Variants in ACTN4 observed in about 807,000 individuals in gnomAD.
The protein encoded by ACTN4 is alpha-actinin-4.
ACTN4 carries 18 observed loss-of-function variants against 114.2 expected under a neutral mutation model. The observed-to-expected ratio is 0.16, with a 90% CI of 0.11 to 0.23. The LOEUF (loss-of-function observed/expected upper bound fraction) is 0.23. Among genes scored for constraint, ACTN4 ranks in the 10% least tolerant of loss-of-function variants. The pLI, the probability that ACTN4 is intolerant of heterozygous loss-of-function variation, is 1.00. For missense variants in ACTN4, 722 were observed against 1,262.9 expected (o/e 0.57, Z 6.49); for synonymous variants, 515 against 506.3 (o/e 1.02, Z -0.23).
At chr19:38,664,809 A>G (rs891647176) in intron 1 of ACTN4, among the ~76,000 whole-genome samples, 2 of 152,188 alleles carry the variant, frequency 1.3e-5, no homozygotes, top group African/African-American at 4.8e-5. Context: ...TGAAAGGCAT[A>G]GATGATAAGG....
At chr19:38,661,955 C>T (rs1976901548) in intron 1 of ACTN4, among the ~76,000 whole-genome samples, 1 of 152,194 alleles carries the variant, frequency 6.6e-6, no homozygotes, top group African/African-American at 2.4e-5. Flanking sequence ...CCCGGCCTGG[C>T]AGCCTGATTT....
At chr19:38,718,819 A>G (rs1599848157) in intron 11 of ACTN4, among the ~76,000 whole-genome samples, 1 of 151,832 alleles carries the variant, frequency 6.6e-6, no homozygotes, top group African/African-American at 2.4e-5. Flanking sequence ...CCTCTCCCAC[A>G]CCTCTGTGAG....
intron 1 of ACTN4, 99 bp downstream of exon 1, chr19:38,648,006 G>T (rs1976437906): frequency 7.6e-7 from 1 of 1,308,468 alleles, no homozygotes; most frequent in South Asian, 1.8e-5. Context: ...TCTGTGATGG[G>T]AACGGGGGGG....
At chr19:38,716,634 C>A (rs1378085636) in intron 9 of ACTN4, among the ~76,000 whole-genome samples, 1 of 152,182 alleles carries the variant, frequency 6.6e-6, no homozygotes, top group Non-Finnish European at 1.5e-5. Context: ...GAGCTCAAGA[C>A]CAGCCTGGGC....
rs542978555 is a variant in ACTN4 at position 38,675,614 on chromosome 19, C to T, written c.163-24986C>T. On this transcript the variant is annotated intron_variant, in intron 1 of 20. Coordinates refer to ENST00000252699, the MANE Select transcript of ACTN4 (RefSeq NM_004924.6). ...GAACATCTTGAGCCGCGTTCTTGAT[C>T]GCTGGCTGTGGAAGCCTCCACCTAT... is the stretch of plus-strand genomic sequence containing the variant. Among the ~76,000 whole-genome samples the T allele has an allele frequency of 9.8e-5, 15 of 152,344 alleles. No individual in the cohort carries two copies. The East Asian group carries it at 2.3e-3, about 23-fold the overall frequency.
In ACTN4 at chr19:38,717,054, A is replaced by G; in HGVS notation, c.913-32A>G. The G allele has an allele frequency of 6.3e-7, 1 of 1,596,642 alleles. No individual in the cohort carries two copies. Among genetic ancestry groups the G allele is most frequent in the African/African-American group, 1.3e-5 (1 of 74,644 alleles). On this transcript the variant is annotated intron_variant, in intron 9 of 20. Coordinates refer to ENST00000252699, the MANE Select transcript of ACTN4 (RefSeq NM_004924.6). This position sits in a 1 kb window ranked among gnomAD's most constrained non-coding sequence, Gnocchi z 4.0. ...CCCGTCAGCACTCTGAGGGTCCCCC[A>G]CAAAGGCCACGCTGGCTTCTGTGGC...
At chr19:38,665,042 G>A (rs775432615) in intron 1 of ACTN4, among the ~76,000 whole-genome samples, 2 of 152,152 alleles carry the variant, frequency 1.3e-5, no homozygotes, top group Admixed American at 6.5e-5. Context: ...CAGCTCAGAT[G>A]TCACTGGGAT....
chr19:38,688,939 G>T (rs188961649), intron 1 of ACTN4, among the ~76,000 whole-genome samples: 1 of 152,096 alleles, frequency 6.6e-6, no homozygotes, highest in Non-Finnish European at 1.5e-5. Flanking sequence ...TAGTAGAGAC[G>T]GGGTTTCACC....
chr19:38,701,246 A>C (rs564426485), intron 3 of ACTN4, 125 bp downstream of exon 3: 3 of 1,482,024 alleles, frequency 2.0e-6, no homozygotes, highest in Non-Finnish European at 2.7e-6. Flanking sequence ...TCAGAGCCCC[A>C]GTACATACTC....
chr19:38,674,031 C>T (rs866302352), intron 1 of ACTN4, among the ~76,000 whole-genome samples: 2 of 151,824 alleles, frequency 1.3e-5, no homozygotes, highest in African/African-American at 4.8e-5. Flanking sequence ...CTACCCGCCT[C>T]GGCCTCCCAA....
intron 1 of ACTN4, among the ~76,000 whole-genome samples, chr19:38,687,359 T>G (rs947505825): frequency 4.6e-5 from 7 of 152,190 alleles, no homozygotes; most frequent in African/African-American, 1.7e-4. Context: ...TCACTTCATG[T>G]TAGACTCACT....
intron 19 of ACTN4, 140 bp downstream of exon 19, chr19:38,728,166 C>T: frequency 3.1e-6 from 4 of 1,296,794 alleles, no homozygotes; most frequent in Non-Finnish European, 4.4e-6. Context: ...GCCCACATCT[C>T]CCTGGACCCC....
At chr19:38,671,093 G>A (rs768608096) in intron 1 of ACTN4, among the ~76,000 whole-genome samples, 178 of 152,176 alleles carry the variant, frequency 1.2e-3, no homozygotes, top group Admixed American at 3.9e-3. Context: ...CACTAGGAGC[G>A]AGAAAATTGT....
intron 8 of ACTN4, among the ~76,000 whole-genome samples, chr19:38,712,483 G>T (rs1378320310): frequency 6.6e-6 from 1 of 152,176 alleles, no homozygotes; most frequent in East Asian, 1.9e-4. Flanking sequence ...ACAGTGCCTG[G>T]CACGGCAGCT....
At chr19:38,660,981 AAGAG>A (rs58474189) in intron 1 of ACTN4, among the ~76,000 whole-genome samples, 1 of 152,124 alleles carries the variant, frequency 6.6e-6, no homozygotes, top group Admixed American at 6.6e-5. Context: ...ACGGATGAGA[AAGAG>A]AGAACCAAGA....
chr19:38,724,778 C>T lies in ACTN4; in HGVS notation c.2010+213C>T, dbSNP rs1267971459. ...CGGCACCTGGGGAGGCTGAGGCGGG[C>T]GGATCGCTTGAGCCCAGGAGTTCGA... On this transcript the variant is annotated intron_variant, in intron 16 of 20. Transcript: ENST00000252699. The surrounding 1 kb of genome is among the most constrained non-coding windows in gnomAD (Gnocchi z 7.0). Among the ~76,000 whole-genome samples, 3 of 152,178 alleles carry T rather than the reference C, an allele frequency of 2.0e-5. No individual in the cohort carries two copies. The highest frequency in any genetic ancestry group is 6.5e-5 in the Admixed American group (1 of 15,288).
Position 38,700,991 on chromosome 19 carries a change from G to A in ACTN4, c.278-11G>A. ...GTCTCGCCCCCTCTTTTCTCTTTGT[G>A]CACTTCTCAGGGGAGCGGTTACCTA... On this transcript the variant is annotated splice_polypyrimidine_tract_variant and intron_variant, in intron 2 of 20. Coordinates refer to ENST00000252699, the MANE Select transcript of ACTN4 (RefSeq NM_004924.6). 6.2e-7 allele frequency: 1 copy of A among 1,613,364 alleles called. No individual in the cohort carries two copies. The highest frequency in any genetic ancestry group is 8.5e-7 in the Non-Finnish European group (1 of 1,179,774).
intron 1 of ACTN4, among the ~76,000 whole-genome samples, chr19:38,652,111 G>T (rs1976580628): frequency 6.6e-6 from 1 of 151,950 alleles, no homozygotes; most frequent in African/African-American, 2.4e-5. Flanking sequence ...CTGTTACTTT[G>T]TTCCATTACT....
At position 38,647,691 on chromosome 19, in the gene ACTN4, GGGCGGGAGCTGA is replaced by G. The variant is rs774775918; in HGVS notation, c.-45_-34del. Reference sequence around the variant, plus strand: ...GGTAGCGGCGGCGGCTCGGGCAGAGGGGCGGGAGCTGAGGCGGGAGCGGACAGGCTGGTGGGC... The same window carrying G: ...GGTAGCGGCGGCGGCTCGGGCAGAGGGGCGGGAGCGGACAGGCTGGTGGGC... On this transcript the variant is annotated 5_prime_UTR_variant, in exon 1 of 21. Coordinates refer to ENST00000252699, the MANE Select transcript of ACTN4 (RefSeq NM_004924.6). The G allele has an allele frequency of 2.8e-5, 43 of 1,508,928 alleles. No individual in the cohort carries two copies. Among genetic ancestry groups the G allele is most frequent in the Middle Eastern group, 2.2e-4 (1 of 4,636 alleles). 93.5% of individuals were successfully genotyped at this position (1,508,928 alleles called of 1,614,324 possible). A position where few individuals can be genotyped will look rare whatever the true frequency, so the allele number is the denominator to read the frequency against.
Sources: allele counts gnomAD v4.1 joint callset (sites outside exome capture counted in the v4.1 genomes callset), GRCh38; gene constraint gnomAD v4.1.1; non-coding constraint Gnocchi (gnomAD v3.1); transcripts MANE v1.5; gene names NCBI Gene and HGNC (gene_info 2026-07-23, HGNC 2026-07-21).